Variants in IL1RAPL2 observed in about 807,000 individuals in gnomAD.
IL1RAPL2 encodes X-linked interleukin-1 receptor accessory protein-like 2.
A neutral mutation model predicts 44.1 loss-of-function variants in IL1RAPL2; 3 were observed. That is an observed-to-expected ratio of 0.07 (90% CI 0.03 to 0.18). The LOEUF is 0.18. Ranked by LOEUF, IL1RAPL2 falls within the 10% of genes least tolerant of loss-of-function variation. IL1RAPL2 has a pLI of 1.00. For synonymous variants in IL1RAPL2, 181 were observed against 178.8 expected (o/e 1.01, Z -0.10); for missense variants, 391 against 496.4 (o/e 0.79, Z 2.02).
intron 8 of IL1RAPL2, among the ~76,000 whole-genome samples, chrX:105,746,588 C>T (rs1422222023): frequency 8.9e-6 from 1 of 111,745 alleles, no homozygotes; most frequent in Non-Finnish European, 1.9e-5. Context: ...CTTGAACAGC[C>T]ATCATTACAT....
At chrX:105,544,620 A>G (rs5916737) in intron 6 of IL1RAPL2, among the ~76,000 whole-genome samples, 39,551 of 110,542 alleles carry the variant, frequency 0.36, 5,768 homozygotes, top group South Asian at 0.49. Flanking sequence ...TAAACAGCAG[A>G]TCATTCTATC....
intron 2 of IL1RAPL2, among the ~76,000 whole-genome samples, chrX:105,126,611 A>G (rs1166587353): frequency 1.8e-5 from 2 of 111,419 alleles, no homozygotes; most frequent in Non-Finnish European, 3.8e-5. Flanking sequence ...GATTAAATAA[A>G]ATTTCCATTC....
At chrX:104,717,366 A>G (rs1931589765) in intron 2 of IL1RAPL2, among the ~76,000 whole-genome samples, 1 of 107,718 alleles carries the variant, frequency 9.3e-6, no homozygotes, top group Non-Finnish European at 1.9e-5. Context: ...CAAACCCTGT[A>G]TTACTTCATT....
chrX:104,799,085 A>G (rs971874930), intron 2 of IL1RAPL2, among the ~76,000 whole-genome samples: 3 of 111,186 alleles, frequency 2.7e-5, no homozygotes, highest in Non-Finnish European at 5.7e-5. Context: ...TGTTATCCTC[A>G]TTTTACAGAT....
At chrX:105,139,110 C>T (rs1221721042) in intron 2 of IL1RAPL2, among the ~76,000 whole-genome samples, 1 of 111,850 alleles carries the variant, frequency 8.9e-6, no homozygotes, top group East Asian at 2.8e-4. Flanking sequence ...TAGAGCACAG[C>T]ACTTCCGCCT....
chrX:105,195,541 G>T lies in IL1RAPL2; in HGVS notation c.149G>T (p.Arg50Leu). Residue 50 changes from arginine to leucine, a missense_variant, in exon 3 of 11, where the codon CGA becomes CTA. By Grantham distance (102) the Arg-to-Leu change is moderately radical (BLOSUM62 -2). Transcript: ENST00000372582. ...ATGGCTTTGGCAGGTGAACCAGTCC[G>T]AGTGAAATGTGCCCTTTTCTACAGT... ...TYMALAGEPV[R>L]VKCALFYSYI... 4 of 1,211,206 alleles carry T rather than the reference G, an allele frequency of 3.3e-6. No homozygotes were observed. Among genetic ancestry groups the T allele is most frequent in the Non-Finnish European group, 4.5e-6 (4 of 894,750 alleles).
intron 6 of IL1RAPL2, among the ~76,000 whole-genome samples, chrX:105,640,965 A>C: frequency 9.2e-6 from 1 of 108,314 alleles, no homozygotes; most frequent in Non-Finnish European, 1.9e-5. Context: ...CTAATTGGGT[A>C]GTTCTTTATA....
chrX:104,929,794 T>G (rs1189011936), intron 2 of IL1RAPL2, among the ~76,000 whole-genome samples: 1 of 111,606 alleles, frequency 9.0e-6, no homozygotes, highest in East Asian at 2.8e-4. Flanking sequence ...AGACACTTCA[T>G]GTAAATGTCA....
chrX:104,883,689 A>G (rs1923142341), intron 2 of IL1RAPL2, among the ~76,000 whole-genome samples: 1 of 110,930 alleles, frequency 9.0e-6, no homozygotes, highest in Non-Finnish European at 1.9e-5. Flanking sequence ...TTTCTAGTGT[A>G]AACTCCAGGA....
intron 2 of IL1RAPL2, among the ~76,000 whole-genome samples, chrX:104,783,629 A>C (rs780716488): frequency 5.5e-5 from 6 of 109,237 alleles, no homozygotes; most frequent in African/African-American, 2.0e-4. Context: ...TTTTGGCTTA[A>C]ATCTGTTTTT....
intron 1 of IL1RAPL2, among the ~76,000 whole-genome samples, chrX:104,620,488 A>G (rs1456847968): frequency 8.4e-5 from 9 of 107,053 alleles, no homozygotes; most frequent in Non-Finnish European, 1.3e-4. Context: ...AAAATACAAA[A>G]GATTAGCGGG....
chrX:104,968,577 T>G (rs1186756117), intron 2 of IL1RAPL2, among the ~76,000 whole-genome samples: 1 of 111,504 alleles, frequency 9.0e-6, no homozygotes, highest in East Asian at 2.8e-4. Context: ...TATTAAAATG[T>G]TAAAAATGCA....
chrX:105,530,696 T>C (rs1209339310), intron 6 of IL1RAPL2, among the ~76,000 whole-genome samples: 1 of 110,550 alleles, frequency 9.0e-6, no homozygotes, highest in East Asian at 2.8e-4. Context: ...TTCTATCTTT[T>C]GTACACATTA....
chrX:104,957,241 G>T (rs1332545796), intron 2 of IL1RAPL2, among the ~76,000 whole-genome samples: 4 of 90,353 alleles, frequency 4.4e-5, no homozygotes, highest in Non-Finnish European at 8.7e-5. Flanking sequence ...AAACACTGGT[G>T]CTGTCCACTT....
At chrX:104,817,784 G>A (rs1360936339) in intron 2 of IL1RAPL2, among the ~76,000 whole-genome samples, 2 of 111,721 alleles carry the variant, frequency 1.8e-5, no homozygotes, top group African/African-American at 6.5e-5. Flanking sequence ...TAAGCACAGT[G>A]TCTGACATTT....
At chrX:104,810,349 T>G (rs901498685) in intron 2 of IL1RAPL2, among the ~76,000 whole-genome samples, 1 of 110,544 alleles carries the variant, frequency 9.0e-6, no homozygotes, top group Non-Finnish European at 1.9e-5. Context: ...CACCAGCATG[T>G]CACATGTATA....
intron 2 of IL1RAPL2, among the ~76,000 whole-genome samples, chrX:104,743,951 G>C (rs777694514): frequency 1.2e-3 from 134 of 110,435 alleles, no homozygotes; most frequent in Non-Finnish European, 8.5e-4. Context: ...GACAGCTTTG[G>C]TCTCATTAAT....
At chrX:105,688,928 A>T (rs1044418240) in intron 6 of IL1RAPL2, among the ~76,000 whole-genome samples, 5 of 111,666 alleles carry the variant, frequency 4.5e-5, no homozygotes, top group Admixed American at 1.9e-4. Context: ...ACACATCTAT[A>T]ACAATCTGAT....
At chrX:105,477,401 G>A (rs971721252) in intron 5 of IL1RAPL2, among the ~76,000 whole-genome samples, 1 of 111,474 alleles carries the variant, frequency 9.0e-6, no homozygotes, top group African/African-American at 3.3e-5. Context: ...GGATTAGGAA[G>A]ACTATGTAGT....
Sources: gnomAD v4.1 joint callset for allele counts (sites outside exome capture counted in the v4.1 genomes callset) on GRCh38, gnomAD v4.1.1 for gene constraint, MANE v1.5 for transcripts, NCBI Gene and HGNC (gene_info 2026-07-23, HGNC 2026-07-21) for gene names.